The following CTNND2 variants were observed in gnomAD, a reference collection of about 807,000 sequenced individuals.
CTNND2 encodes catenin delta 2, also known as catenin delta-2.
A neutral mutation model predicts 144.4 loss-of-function variants in CTNND2; 22 were observed. The observed-to-expected ratio is 0.15, with a 90% CI of 0.11 to 0.22. CTNND2 has a LOEUF of 0.22. Ranked by LOEUF, CTNND2 falls within the 10% of genes least tolerant of loss-of-function variation. The pLI is 1.00. For missense variants in CTNND2, 1,353 were observed against 1,618.8 expected, an observed-to-expected ratio of 0.84 and a Z score of 2.82; for synonymous variants, 751 against 695.6, an observed-to-expected ratio of 1.08 and a Z score of -1.25.
intron 2 of CTNND2, among the ~76,000 whole-genome samples, chr5:11,730,586 T>C (rs1787331745): frequency 6.6e-6 from 1 of 152,244 alleles, no homozygotes; most frequent in African/African-American, 2.4e-5. Flanking sequence ...CTCATATATT[T>C]ATACTTCCAC....
At chr5:11,797,418 C>G (rs1263021399) in intron 1 of CTNND2, among the ~76,000 whole-genome samples, 1 of 152,086 alleles carries the variant, frequency 6.6e-6, no homozygotes, top group Non-Finnish European at 1.5e-5. Flanking sequence ...TGGATGTATT[C>G]CAAGTTTCAG....
chr5:11,459,770 T>C (rs1766036332), intron 3 of CTNND2, among the ~76,000 whole-genome samples: 1 of 152,222 alleles, frequency 6.6e-6, no homozygotes, highest in African/African-American at 2.4e-5. Flanking sequence ...GTGGGTACAC[T>C]TGGCAGAGTG....
At chr5:11,747,499 A>C (rs2126778187) in intron 1 of CTNND2, among the ~76,000 whole-genome samples, 1 of 152,280 alleles carries the variant, frequency 6.6e-6, no homozygotes, top group Admixed American at 6.5e-5. Context: ...CAAATGTCTC[A>C]GGTTCTGGAG....
chr5:11,264,441 T>C (rs1339131122), intron 9 of CTNND2, among the ~76,000 whole-genome samples: 3 of 152,170 alleles, frequency 2.0e-5, no homozygotes, highest in Non-Finnish European at 1.5e-5. Flanking sequence ...TGAAACTGTT[T>C]GAGGAAGATA....
chr5:11,315,053 T>A (rs1379296035), intron 9 of CTNND2, among the ~76,000 whole-genome samples: 1 of 152,202 alleles, frequency 6.6e-6, no homozygotes, highest in Non-Finnish European at 1.5e-5. Context: ...AAAATAATCA[T>A]TAATTATAAA....
intron 3 of CTNND2, among the ~76,000 whole-genome samples, chr5:11,429,140 T>C (rs1763045915): frequency 6.6e-6 from 1 of 152,164 alleles, no homozygotes; most frequent in Admixed American, 6.5e-5. Context: ...AAATCCACCC[T>C]TTTCAAGTGC....
intron 2 of CTNND2, among the ~76,000 whole-genome samples, chr5:11,692,146 G>T (rs1197021661): frequency 3.3e-5 from 5 of 152,296 alleles, no homozygotes; most frequent in African/African-American, 1.2e-4. Flanking sequence ...TGCAGCAGCT[G>T]CACATTTAAT....
At chr5:11,617,129 G>T (rs1780617973) in intron 2 of CTNND2, among the ~76,000 whole-genome samples, 1 of 152,076 alleles carries the variant, frequency 6.6e-6, no homozygotes, top group East Asian at 1.9e-4. Context: ...ATTTCTAATT[G>T]TCCATTACCT....
chr5:11,304,123 G>A (rs928879138), intron 9 of CTNND2, among the ~76,000 whole-genome samples: 1 of 152,050 alleles, frequency 6.6e-6, no homozygotes, highest in African/African-American at 2.4e-5. Flanking sequence ...ACCCAGTCTT[G>A]AGTATGTCTT....
chr5:11,120,104 G>C (rs534494341), intron 12 of CTNND2, among the ~76,000 whole-genome samples: 35 of 152,252 alleles, frequency 2.3e-4, no homozygotes, highest in African/African-American at 8.2e-4. Flanking sequence ...AATTTAAAAA[G>C]TTATTAATTG....
At chr5:11,867,482 T>C (rs558868764) in intron 1 of CTNND2, among the ~76,000 whole-genome samples, 1 of 152,216 alleles carries the variant, frequency 6.6e-6, no homozygotes, top group Non-Finnish European at 1.5e-5. Context: ...GTCAGTTCTG[T>C]TTCATTAACA....
At chr5:10,990,437 C>G (rs997691759) in intron 19 of CTNND2, among the ~76,000 whole-genome samples, 8 of 152,216 alleles carry the variant, frequency 5.3e-5, no homozygotes, top group African/African-American at 1.9e-4. Context: ...CCTCGCTAAC[C>G]TCTTCCACCT....
chr5:11,841,710 T>G (rs1794482168), intron 1 of CTNND2, among the ~76,000 whole-genome samples: 1 of 152,072 alleles, frequency 6.6e-6, no homozygotes, highest in African/African-American at 2.4e-5. Flanking sequence ...ACATAACCTC[T>G]GTATGTCCAT....
intron 9 of CTNND2, among the ~76,000 whole-genome samples, chr5:11,335,143 T>C (rs1753610533): frequency 6.6e-6 from 1 of 152,212 alleles, no homozygotes; most frequent in Non-Finnish European, 1.5e-5. Flanking sequence ...TGTTCTTCAG[T>C]AGATTCAGTA....
At chr5:11,714,835 G>C (rs940740036) in intron 2 of CTNND2, among the ~76,000 whole-genome samples, 1 of 151,664 alleles carries the variant, frequency 6.6e-6, no homozygotes, top group African/African-American at 2.4e-5. Flanking sequence ...CATGAACCCG[G>C]GAGGCGAACA....
intron 1 of CTNND2, among the ~76,000 whole-genome samples, chr5:11,856,575 G>T (rs372415277): frequency 1.3e-5 from 2 of 152,128 alleles, no homozygotes; most frequent in African/African-American, 4.8e-5. Context: ...GGGAAGAAGC[G>T]GAAGTAAAAA....
At chr5:11,074,990 A>G (rs897296971) in intron 16 of CTNND2, among the ~76,000 whole-genome samples, 1 of 149,636 alleles carries the variant, frequency 6.7e-6, no homozygotes, top group African/African-American at 2.5e-5. Flanking sequence ...AATGAAAAGG[A>G]TGATCTAAAG....
intron 21 of CTNND2, among the ~76,000 whole-genome samples, chr5:10,977,953 TCTCA>T (rs1349559638): frequency 2.0e-5 from 3 of 152,194 alleles, no homozygotes; most frequent in Non-Finnish European, 4.4e-5. Flanking sequence ...CTTTCTCAGC[TCTCA>T]CTGTCTTTTG....
chr5:11,093,705 A>G (rs1378130171), intron 15 of CTNND2, among the ~76,000 whole-genome samples: 2 of 152,198 alleles, frequency 1.3e-5, no homozygotes, highest in African/African-American at 4.8e-5. Context: ...AAGAACACTA[A>G]AGAAATACCA....
Sources: allele counts gnomAD v4.1 joint callset (sites outside exome capture counted in the v4.1 genomes callset), GRCh38; gene constraint gnomAD v4.1.1; transcripts MANE v1.5; gene names NCBI Gene and HGNC (gene_info 2026-07-23, HGNC 2026-07-21).